PTK2: variants seen among roughly 807,000 people sequenced by gnomAD.
The protein encoded by PTK2 is focal adhesion kinase 1.
Under a neutral mutation model 150.1 loss-of-function variants are expected in PTK2, and 45 were observed. The ratio of observed to expected loss-of-function variants is 0.30; its 90% CI spans 0.24 to 0.38. The LOEUF (loss-of-function observed/expected upper bound fraction) is 0.38, where lower values mean the gene tolerates loss of function less well. Among genes scored for constraint, PTK2 ranks in the 10% least tolerant of loss-of-function variants. The pLI, the probability that PTK2 is intolerant of heterozygous loss-of-function variation, is 1.00. For missense variants in PTK2, 919 were observed against 1,307.3 expected, an observed-to-expected ratio of 0.70 and a Z score of 4.58; for synonymous variants, 432 against 449.2, an observed-to-expected ratio of 0.96 and a Z score of 0.48.
At chr8:140,863,410 C>T (rs144961614) in intron 5 of PTK2, among the ~76,000 whole-genome samples, 93 of 152,226 alleles carry the variant, frequency 6.1e-4, no homozygotes, top group African/African-American at 2.0e-3. Context: ...TGCTAACTAA[C>T]GTTTTTAAAT....
At chr8:140,871,274 T>C (rs1599703671) in intron 4 of PTK2, among the ~76,000 whole-genome samples, 1 of 152,194 alleles carries the variant, frequency 6.6e-6, no homozygotes, top group African/African-American at 2.4e-5. Flanking sequence ...TATGAAAATA[T>C]ATTTCAAAAT....
chr8:140,829,084 G>T (rs949825726), intron 8 of PTK2, among the ~76,000 whole-genome samples: 1 of 152,168 alleles, frequency 6.6e-6, no homozygotes, highest in Non-Finnish European at 1.5e-5. Context: ...TTCACTAATA[G>T]ATCAGGAAAC....
intron 7 of PTK2, among the ~76,000 whole-genome samples, chr8:140,833,512 G>T (rs2100116780): frequency 6.6e-6 from 1 of 152,058 alleles, no homozygotes; most frequent in Admixed American, 6.6e-5. Context: ...AACCAAACAG[G>T]GACTTGTAGG....
At chr8:140,731,353 T>C (rs2100049224) in intron 22 of PTK2, among the ~76,000 whole-genome samples, 1 of 152,184 alleles carries the variant, frequency 6.6e-6, no homozygotes, top group African/African-American at 2.4e-5. Context: ...TAAGAAAATT[T>C]CACTGTTGAT....
chr8:140,936,873 T>A (rs867821199), intron 1 of PTK2, among the ~76,000 whole-genome samples: 2 of 152,078 alleles, frequency 1.3e-5, no homozygotes, highest in Middle Eastern at 6.8e-3. Context: ...CTTTTTTTTT[T>A]AACTTTCTAA....
intron 1 of PTK2, among the ~76,000 whole-genome samples, chr8:140,980,022 T>C (rs771827514): frequency 1.3e-5 from 2 of 152,202 alleles, no homozygotes; most frequent in African/African-American, 4.8e-5. Flanking sequence ...GGGAAGCAAT[T>C]TGGCAGTAAC....
intron 22 of PTK2, among the ~76,000 whole-genome samples, chr8:140,731,369 G>C (rs4961288): frequency 6.6e-6 from 1 of 151,964 alleles, no homozygotes; most frequent in Non-Finnish European, 1.5e-5. Flanking sequence ...TTGATCAATT[G>C]AAAGTATTCC....
At chr8:140,885,802 G>C (rs2100152045) in intron 3 of PTK2, among the ~76,000 whole-genome samples, 1 of 152,158 alleles carries the variant, frequency 6.6e-6, no homozygotes, top group African/African-American at 2.4e-5. Context: ...AGAGGTGACA[G>C]GGCATGATGG....
chr8:140,927,969 A>G (rs1276650866), intron 1 of PTK2, among the ~76,000 whole-genome samples: 2 of 74,954 alleles, frequency 2.7e-5, no homozygotes, highest in Non-Finnish European at 5.3e-5. Flanking sequence ...AAAAAAAAAA[A>G]AAAAAAATAT....
chr8:140,839,364 T>C (rs1802044660), intron 7 of PTK2, among the ~76,000 whole-genome samples: 1 of 152,158 alleles, frequency 6.6e-6, no homozygotes, highest in Non-Finnish European at 1.5e-5. Flanking sequence ...CAGCCTCTAA[T>C]CCAAGCCACT....
chr8:140,846,691 G>T lies in PTK2; in HGVS notation c.451-13C>A, dbSNP rs201661494. The T allele has an allele frequency of 6.3e-6, 10 of 1,588,924 alleles. No individual in the cohort carries two copies. In the Middle Eastern group the frequency reaches 5.0e-4, roughly 79 times the overall value. ...AATCGCTCTTCACCTACAACAAAAG[G>T]AATGGGAAAAACAACACTGTTTTAA... On this transcript the variant is annotated splice_polypyrimidine_tract_variant and intron_variant, in intron 5 of 31. Transcript: ENST00000522684.
intron 1 of PTK2, among the ~76,000 whole-genome samples, chr8:140,949,124 T>C (rs572116509): frequency 1.6e-4 from 25 of 152,236 alleles, no homozygotes; most frequent in African/African-American, 6.0e-4. Flanking sequence ...TATATTTTCT[T>C]AATATTTCTT....
intron 22 of PTK2, among the ~76,000 whole-genome samples, chr8:140,721,984 G>C (rs2100043145): frequency 6.6e-6 from 1 of 152,094 alleles, no homozygotes; most frequent in African/African-American, 2.4e-5. Flanking sequence ...GTTACCTGAA[G>C]GCCCATTTTC....
intron 22 of PTK2, among the ~76,000 whole-genome samples, chr8:140,719,425 G>A (rs2100041541): frequency 6.6e-6 from 1 of 152,102 alleles, no homozygotes; most frequent in East Asian, 1.9e-4. Flanking sequence ...GTGAGTCCTG[G>A]TGAGTGGTGC....
intron 8 of PTK2, among the ~76,000 whole-genome samples, chr8:140,820,025 T>G (rs1047251861): frequency 1.4e-5 from 2 of 144,348 alleles, no homozygotes; most frequent in African/African-American, 5.1e-5. Flanking sequence ...TCTGATGAGA[T>G]GCCAAGCCCT....
intron 29 of PTK2, chr8:140,669,334 T>TACAC (rs1563955332): frequency 2.7e-5 from 3 of 109,296 alleles, no homozygotes; most frequent in African/African-American, 6.1e-5. Context: ...TATATATATA[T>TACAC]ATATATACAC....
intron 14 of PTK2, among the ~76,000 whole-genome samples, chr8:140,787,940 C>CCCTCCTCCAGACT (rs1456135697): frequency 6.6e-6 from 1 of 152,182 alleles, no homozygotes; most frequent in Admixed American, 6.5e-5. Flanking sequence ...AGCAGTTGCT[C>CCCTCCTCCAGACT]CCTCCTCCAG....
At chr8:140,931,714 C>A (rs953280205) in intron 1 of PTK2, among the ~76,000 whole-genome samples, 1 of 151,934 alleles carries the variant, frequency 6.6e-6, no homozygotes, top group Non-Finnish European at 1.5e-5. Flanking sequence ...GCAGGAGGAT[C>A]ACTTGAGCCC....
At chr8:140,868,212 A>G (rs1599533623) in intron 4 of PTK2, among the ~76,000 whole-genome samples, 2 of 152,212 alleles carry the variant, frequency 1.3e-5, no homozygotes, top group East Asian at 3.8e-4. Flanking sequence ...AGAATATGAT[A>G]GTCCTGATAC....
Sources: gnomAD v4.1 joint callset for allele counts (sites outside exome capture counted in the v4.1 genomes callset) on GRCh38, gnomAD v4.1.1 for gene constraint, MANE v1.5 for transcripts, NCBI Gene and HGNC (gene_info 2026-07-23, HGNC 2026-07-21) for gene names.